Variants in CNOT4 observed in about 807,000 individuals in gnomAD.
The protein encoded by CNOT4 is CCR4-associated factor 4.
A neutral mutation model predicts 73.8 loss-of-function variants in CNOT4; 8 were observed. That is an observed-to-expected ratio of 0.11 (90% CI 0.06 to 0.20). CNOT4 has a LOEUF of 0.20. Ranked by LOEUF, CNOT4 falls within the 10% of genes least tolerant of loss-of-function variation. The pLI is 1.00. For missense variants in CNOT4, 564 were observed against 883.4 expected (o/e 0.64, Z 4.58); for synonymous variants, 293 against 321.1 (o/e 0.91, Z 0.94).
In CNOT4 at chr7:135,510,088, G is replaced by C. The variant is rs1280821002; in HGVS notation, c.-292C>G. 3 of 399,018 alleles carry C rather than the reference G, an allele frequency of 7.5e-6. No individual in the cohort carries two copies. In the Admixed American group the frequency reaches 1.3e-4, roughly 18 times the overall value. 24.7% of individuals were successfully genotyped at this position (399,018 alleles called of 1,614,324 possible). On this transcript the variant is annotated 5_prime_UTR_variant, in exon 1 of 12. Transcript: ENST00000541284. ...CCAGACGGGCCACCATCTTACATTA[G>C]GGTAAGACTCCTCCGGCCTCCCGTG...
chr7:135,480,554 ATGT>A (rs537964723), intron 1 of CNOT4, among the ~76,000 whole-genome samples: 124 of 152,232 alleles, frequency 8.1e-4, no homozygotes, highest in African/African-American at 2.8e-3. Context: ...GATTCTGGAA[ATGT>A]TGTATTTTTT....
intron 5 of CNOT4, among the ~76,000 whole-genome samples, 155 bp downstream of exon 5, chr7:135,414,176 A>G (rs183793894): frequency 6.6e-6 from 1 of 152,172 alleles, no homozygotes; most frequent in African/African-American, 2.4e-5. Context: ...AACCAGCAGT[A>G]AACAAATTAG....
intron 1 of CNOT4, among the ~76,000 whole-genome samples, chr7:135,476,646 A>T (rs1042650006): frequency 1.1e-4 from 16 of 152,220 alleles, no homozygotes; most frequent in African/African-American, 3.9e-4. Context: ...ACTGCACTCC[A>T]GCCTGAGCAA....
At chr7:135,377,005 T>C (rs1795557701) in intron 10 of CNOT4, among the ~76,000 whole-genome samples, 1 of 152,224 alleles carries the variant, frequency 6.6e-6, no homozygotes, top group Admixed American at 6.5e-5. Flanking sequence ...GATATAGTTA[T>C]GGTGATAAAC....
intron 6 of CNOT4, among the ~76,000 whole-genome samples, chr7:135,411,062 T>C (rs17480065): frequency 0.17 from 25,422 of 151,804 alleles, 2,529 homozygotes; most frequent in Non-Finnish European, 0.22. Flanking sequence ...TCAGCCAAAA[T>C]TCATCAGTCT....
chr7:135,504,295 ATTT>A (rs754778391), intron 1 of CNOT4, among the ~76,000 whole-genome samples: 10 of 140,852 alleles, frequency 7.1e-5, no homozygotes, highest in African/African-American at 1.6e-4. Context: ...AGATCTACTA[ATTT>A]TTTTTTTTTT....
At chr7:135,466,834 A>G (rs112684635) in intron 1 of CNOT4, among the ~76,000 whole-genome samples, 3,066 of 152,320 alleles carry the variant, frequency 0.02, 111 homozygotes, top group African/African-American at 0.07. Flanking sequence ...GCAACATACC[A>G]TACAGGTTTG....
chr7:135,387,689 C>CA, intron 10 of CNOT4: 1 of 985,012 alleles, frequency 1.0e-6, no homozygotes, highest in Non-Finnish European at 1.2e-6. Flanking sequence ...AGCTTTTGTC[C>CA]ACTGCTCCAA....
At position 135,503,456 on chromosome 7, in the gene CNOT4, C is replaced by CA. The variant is rs58546257; in HGVS notation, c.-93+6432dup. 9.9e-3 allele frequency among the ~76,000 whole-genome samples: 1,324 copies of CA among 133,104 alleles called. 18 individuals carry two copies. The highest frequency in any genetic ancestry group is 0.03 in the African/African-American group (1,087 of 36,618). 87.3% of individuals were successfully genotyped at this position (133,104 alleles called of 152,430 possible). A position where few individuals can be genotyped will look rare whatever the true frequency, so the allele number is the denominator to read the frequency against. On this transcript the variant is annotated intron_variant, in intron 1 of 11. Transcript: ENST00000541284. The stretch of plus-strand genomic sequence containing the variant: ...CCAGCCTGGGCAACAGAGACCATCT[C>CA]AAAAAAAAAAAGAAAAAAAGTTCTA...
chr7:135,394,658 A>G (rs1482419207), intron 9 of CNOT4, among the ~76,000 whole-genome samples: 1 of 152,196 alleles, frequency 6.6e-6, no homozygotes, highest in Non-Finnish European at 1.5e-5. Context: ...TTGCTAATCA[A>G]AGGAAAAAAA....
intron 8 of CNOT4, among the ~76,000 whole-genome samples, chr7:135,396,988 T>A (rs1165261962): frequency 6.6e-6 from 1 of 152,136 alleles, no homozygotes; most frequent in Non-Finnish European, 1.5e-5. Flanking sequence ...AAAATTAAAA[T>A]CTACATTTAT....
At chr7:135,425,634 C>G (rs370275308) in intron 2 of CNOT4, among the ~76,000 whole-genome samples, 1 of 151,956 alleles carries the variant, frequency 6.6e-6, no homozygotes, top group African/African-American at 2.4e-5. Flanking sequence ...TACAATTTAC[C>G]CTCCAAATAT....
intron 1 of CNOT4, among the ~76,000 whole-genome samples, chr7:135,471,799 A>G (rs545949720): frequency 6.6e-6 from 1 of 152,312 alleles, no homozygotes; most frequent in African/African-American, 2.4e-5. Context: ...GCTAGCCAAT[A>G]TATTGGCACC....
At chr7:135,433,817 CT>C (rs1330016985) in intron 2 of CNOT4, among the ~76,000 whole-genome samples, 1 of 152,202 alleles carries the variant, frequency 6.6e-6, no homozygotes, top group Non-Finnish European at 1.5e-5. Flanking sequence ...GTTCCCATAT[CT>C]GCTGTTTCCA....
intron 1 of CNOT4, among the ~76,000 whole-genome samples, chr7:135,480,771 A>G (rs1802324033): frequency 6.6e-6 from 1 of 152,010 alleles, no homozygotes; most frequent in South Asian, 2.1e-4. Context: ...ATATATATCC[A>G]CTTAATTCAT....
At chr7:135,440,354 G>A (rs1213876398) in intron 1 of CNOT4, among the ~76,000 whole-genome samples, 4 of 148,670 alleles carry the variant, frequency 2.7e-5, no homozygotes, top group Non-Finnish European at 5.9e-5. Context: ...TACCCCATCA[G>A]CCTGTCAAAG....
intron 10 of CNOT4, among the ~76,000 whole-genome samples, chr7:135,375,795 G>C (rs1168896927): frequency 6.6e-6 from 1 of 152,102 alleles, no homozygotes; most frequent in Admixed American, 6.6e-5. Context: ...CATGGTGGTG[G>C]GCGCCTGTAA....
chr7:135,477,538 T>A (rs1802075100), intron 1 of CNOT4, among the ~76,000 whole-genome samples: 1 of 151,780 alleles, frequency 6.6e-6, no homozygotes, highest in Admixed American at 6.6e-5. Context: ...TGTAGTACCC[T>A]CTTTTAATTG....
At chr7:135,407,245 T>G (rs1408258591) in intron 7 of CNOT4, among the ~76,000 whole-genome samples, 2 of 152,356 alleles carry the variant, frequency 1.3e-5, no homozygotes. Context: ...ATCTCTCTTC[T>G]TTATAAATTA....
Sources: gnomAD v4.1 joint callset for allele counts (sites outside exome capture counted in the v4.1 genomes callset) on GRCh38, gnomAD v4.1.1 for gene constraint, MANE v1.5 for transcripts, NCBI Gene and HGNC (gene_info 2026-07-23, HGNC 2026-07-21) for gene names.